The following WDR37 variants were observed in gnomAD, a reference collection of about 807,000 sequenced individuals.
WDR37 encodes the protein WD repeat-containing protein 37.
In WDR37, 19 loss-of-function variants were observed where a neutral mutation model predicts 62.9. The observed-to-expected ratio is 0.30, with a 90% CI of 0.21 to 0.44. WDR37 has a LOEUF of 0.44. Ranked by LOEUF, WDR37 falls within the 20% of genes least tolerant of loss-of-function variation. The probability of loss-of-function intolerance (pLI) is 1.00; values close to 1 mark genes in which losing one functional copy is unlikely to be tolerated. For missense variants in WDR37, 474 were observed against 657.6 expected (o/e 0.72, Z 3.05); for synonymous variants, 250 against 260.9 (o/e 0.96, Z 0.40).
intron 7 of WDR37, among the ~76,000 whole-genome samples, chr10:1,087,150 G>A (rs1254733232): frequency 2.0e-5 from 3 of 152,220 alleles, no homozygotes; most frequent in Non-Finnish European, 2.9e-5. Flanking sequence ...CTGTCACAGT[G>A]TCTTCTCTTT....
At chr10:1,063,146 G>T (rs988704163) in intron 1 of WDR37, among the ~76,000 whole-genome samples, 1 of 151,810 alleles carries the variant, frequency 6.6e-6, no homozygotes. Context: ...CGTACATTGG[G>T]ACCACAGAAA....
intron 13 of WDR37, among the ~76,000 whole-genome samples, chr10:1,126,744 G>A (rs900402827): frequency 2.4e-4 from 37 of 152,202 alleles, no homozygotes; most frequent in Non-Finnish European, 3.2e-4. Flanking sequence ...TGCGAAAGTG[G>A]GGGTTCTCTC....
intron 2 of WDR37, among the ~76,000 whole-genome samples, chr10:1,076,506 T>C (rs1203206850): frequency 6.6e-6 from 1 of 151,474 alleles, no homozygotes; most frequent in Non-Finnish European, 1.5e-5. Context: ...TGTGAAACCA[T>C]GTCTTAACTG....
chr10:1,091,127 C>T (rs555786338), intron 7 of WDR37, among the ~76,000 whole-genome samples: 1 of 152,352 alleles, frequency 6.6e-6, no homozygotes, highest in South Asian at 2.1e-4. Flanking sequence ...GCAACTGCCT[C>T]CACAGCTCCC....
At chr10:1,062,044 G>A (rs1204383546) in intron 1 of WDR37, among the ~76,000 whole-genome samples, 1 of 151,702 alleles carries the variant, frequency 6.6e-6, no homozygotes, top group Non-Finnish European at 1.5e-5. Flanking sequence ...GAGTTTCCAT[G>A]GAGGATGTGG....
intron 5 of WDR37, among the ~76,000 whole-genome samples, chr10:1,082,323 A>G (rs1168459554): frequency 6.6e-6 from 1 of 152,208 alleles, no homozygotes; most frequent in Admixed American, 6.5e-5. Context: ...TGTTACGTGA[A>G]CGCAGAAGAG....
chr10:1,119,062 G>A (rs778732441), intron 11 of WDR37, among the ~76,000 whole-genome samples: 2 of 152,186 alleles, frequency 1.3e-5, no homozygotes, highest in Admixed American at 1.3e-4. Flanking sequence ...TGAGTGCATC[G>A]GCGTTAGGAA....
rs988972605 is a variant in WDR37 at position 1,121,640 on chromosome 10, A to G, written c.1104-2578A>G. ...GTTGGGCAGTTTCCCCCCAGGAGAC[A>G]GTGTTTGTTGTCACCCCTGGGGAGG... On this transcript the variant is annotated intron_variant, in intron 11 of 13. Transcript: ENST00000263150. The surrounding 1 kb of genome is among the most constrained non-coding windows in gnomAD (Gnocchi z 4.5). 1.3e-5 allele frequency among the ~76,000 whole-genome samples: 2 copies of G among 152,080 alleles called. No individual in the cohort carries two copies. The highest frequency in any genetic ancestry group is 2.9e-5 in the Non-Finnish European group (2 of 68,000).
intron 1 of WDR37, among the ~76,000 whole-genome samples, chr10:1,070,514 G>C (rs975608213): frequency 6.6e-6 from 1 of 152,020 alleles, no homozygotes; most frequent in African/African-American, 2.4e-5. Context: ...CGACTTCCTT[G>C]AATTCTAAGG....
intron 11 of WDR37, among the ~76,000 whole-genome samples, chr10:1,111,003 CAT>C (rs61144178): frequency 0.079 from 12,022 of 152,266 alleles, 491 homozygotes; most frequent in East Asian, 0.1. Context: ...AAAAGTCAGA[CAT>C]GTGTTCTTAG....
intron 2 of WDR37, among the ~76,000 whole-genome samples, chr10:1,075,594 T>C (rs1174773821): frequency 6.6e-6 from 1 of 152,070 alleles, no homozygotes; most frequent in Non-Finnish European, 1.5e-5. Context: ...TGGGTATAGA[T>C]GAGTAGGAAC....
At chr10:1,082,280 C>T (rs1341880570) in intron 5 of WDR37, among the ~76,000 whole-genome samples, 3 of 152,192 alleles carry the variant, frequency 2.0e-5, no homozygotes, top group East Asian at 1.9e-4. Flanking sequence ...AAGCAAGTAA[C>T]GTGCCTGGTG....
At position 1,105,925 on chromosome 10, in the gene WDR37, A is replaced by C. The variant is rs561809955; in HGVS notation, c.1103+658A>C. On this transcript the variant is annotated intron_variant, in intron 11 of 13. Transcript: ENST00000263150. The surrounding 1 kb of genome is among the most constrained non-coding windows in gnomAD (Gnocchi z 5.3). The stretch of plus-strand genomic sequence containing the variant: ...CTCAGCCTCCCGAGTAGCTGGGACT[A>C]GAGGCACCTGCCACCACGCCTGGCT... Among the ~76,000 whole-genome samples the C allele has an allele frequency of 6.6e-6, 1 of 152,174 alleles. No individual in the cohort carries two copies. Among genetic ancestry groups the C allele is most frequent in the East Asian group, 1.9e-4 (1 of 5,172 alleles).
chr10:1,080,747 A>C (rs555995679), intron 5 of WDR37, among the ~76,000 whole-genome samples: 2 of 152,142 alleles, frequency 1.3e-5, no homozygotes, highest in Admixed American at 1.3e-4. Flanking sequence ...CTCTACTAAA[A>C]ATACAAAAAT....
At chr10:1,117,251 C>T (rs1220567523) in intron 11 of WDR37, among the ~76,000 whole-genome samples, 1 of 152,082 alleles carries the variant, frequency 6.6e-6, no homozygotes, top group Non-Finnish European at 1.5e-5. Flanking sequence ...GATGGAGTCT[C>T]ACCATGTTGC....
chr10:1,081,795 G>GT (rs985802349), intron 5 of WDR37, among the ~76,000 whole-genome samples: 16 of 151,940 alleles, frequency 1.1e-4, no homozygotes, highest in African/African-American at 3.6e-4. Flanking sequence ...GGATTATGTT[G>GT]TTTTTTCTGG....
chr10:1,082,537 T>A (rs972093911), intron 5 of WDR37, among the ~76,000 whole-genome samples: 2 of 152,216 alleles, frequency 1.3e-5, no homozygotes, highest in African/African-American at 4.8e-5. Context: ...TCAAACGATC[T>A]GGGATGATGG....
rs372211453 is a variant in WDR37 at position 1,121,877 on chromosome 10, C to T, written c.1104-2341C>T. Among the ~76,000 whole-genome samples the T allele has an allele frequency of 1.7e-4, 26 of 152,096 alleles. No homozygotes were observed. The East Asian group carries it at 3.7e-3, about 21-fold the overall frequency. ...CCGCCGCATCATCCTGACTGTGTTC[C>T]GGGGTCTCGGTGTCAGAGCGTGTTG... is the stretch of plus-strand genomic sequence containing the variant. On this transcript the variant is annotated intron_variant, in intron 11 of 13. Transcript: ENST00000263150. The surrounding 1 kb of genome is among the most constrained non-coding windows in gnomAD (Gnocchi z 4.5).
At chr10:1,074,254 C>CCTCCCCTG in intron 2 of WDR37, 1 of 1,059,902 alleles carries the variant, frequency 9.4e-7, no homozygotes, top group African/African-American at 1.7e-5. Context: ...CCCCTGCTGG[C>CCTCCCCTG]ATGTTCTAGA....
Sources: allele counts gnomAD v4.1 joint callset (sites outside exome capture counted in the v4.1 genomes callset), GRCh38; gene constraint gnomAD v4.1.1; non-coding constraint Gnocchi (gnomAD v3.1); transcripts MANE v1.5; gene names NCBI Gene and HGNC (gene_info 2026-07-23, HGNC 2026-07-21).